SCHIP1: variants seen among roughly 807,000 people sequenced by gnomAD.
SCHIP1 encodes the protein schwannomin-interacting protein 1.
Under a neutral mutation model 29.7 loss-of-function variants are expected in SCHIP1, and 8 were observed. That is an observed-to-expected ratio of 0.27 (90% CI 0.16 to 0.49). The LOEUF (loss-of-function observed/expected upper bound fraction) is 0.49, where lower values mean the gene tolerates loss of function less well. SCHIP1 is among the 20% of genes least tolerant of loss of function. The probability of loss-of-function intolerance (pLI) is 0.99; values close to 1 mark genes in which losing one functional copy is unlikely to be tolerated. For synonymous variants in SCHIP1, 76 were observed against 94.9 expected, an observed-to-expected ratio of 0.80 and a Z score of 1.16; for missense variants, 193 against 294.6, an observed-to-expected ratio of 0.66 and a Z score of 2.52.
At chr3:159,330,620 A>G in the SCHIP1 span, among the ~76,000 whole-genome samples, 1 of 152,286 alleles carries the variant, frequency 6.6e-6, no homozygotes, top group South Asian at 2.1e-4. Context: ...AGTGCACTGT[A>G]TCAGTCAATG....
chr3:159,530,484 C>T, the SCHIP1 span, among the ~76,000 whole-genome samples: 1 of 152,116 alleles, frequency 6.6e-6, no homozygotes, highest in Admixed American at 6.6e-5. Context: ...CAGCAGATGG[C>T]TGGCCTTTTC....
At chr3:159,750,311 ACACACACACG>A in the SCHIP1 span, among the ~76,000 whole-genome samples, 1 of 150,102 alleles carries the variant, frequency 6.7e-6, no homozygotes, top group South Asian at 2.1e-4. Context: ...ACACACACAC[ACACACACACG>A]TATACATATA....
At chr3:159,703,476 G>C in the SCHIP1 span, among the ~76,000 whole-genome samples, 171 of 152,128 alleles carry the variant, frequency 1.1e-3, no homozygotes, top group Non-Finnish European at 2.0e-3. Context: ...TGGGTAAATT[G>C]TGTCACAAAA....
the SCHIP1 span, among the ~76,000 whole-genome samples, chr3:159,473,628 A>G: frequency 6.7e-6 from 1 of 148,358 alleles, no homozygotes; most frequent in Admixed American, 6.8e-5. Context: ...TTGGGCAAGA[A>G]GGGTTTCTAA....
the SCHIP1 span, among the ~76,000 whole-genome samples, chr3:159,321,072 C>A: frequency 2.0e-5 from 3 of 152,178 alleles, no homozygotes; most frequent in South Asian, 4.1e-4. Context: ...TCAAGCAATT[C>A]TCCCAATTCA....
At chr3:159,558,248 A>G in the SCHIP1 span, among the ~76,000 whole-genome samples, 7 of 152,256 alleles carry the variant, frequency 4.6e-5, no homozygotes, top group Admixed American at 2.0e-4. Flanking sequence ...GGAAGTATGC[A>G]TCAGGAACTT....
the SCHIP1 span, among the ~76,000 whole-genome samples, chr3:159,587,427 C>T: frequency 6.6e-6 from 1 of 151,316 alleles, no homozygotes; most frequent in Non-Finnish European, 1.5e-5. Flanking sequence ...TCACTGCTAA[C>T]ATTTTGGAGA....
chr3:159,891,913 T>C (rs1717581618), intron 5 of SCHIP1, among the ~76,000 whole-genome samples, 184 bp from the exon 7 acceptor site: 1 of 152,240 alleles, frequency 6.6e-6, no homozygotes, highest in South Asian at 2.1e-4. Flanking sequence ...TTACTCCTTT[T>C]CTTCCCACAC....
chr3:159,297,617 A>G, the SCHIP1 span, among the ~76,000 whole-genome samples: 14 of 152,246 alleles, frequency 9.2e-5, no homozygotes, highest in African/African-American at 3.4e-4. Flanking sequence ...TTTAAAAAAA[A>G]GATATGCAGA....
chr3:159,427,204 A>G, the SCHIP1 span, among the ~76,000 whole-genome samples: 1 of 151,642 alleles, frequency 6.6e-6, no homozygotes, highest in Non-Finnish European at 1.5e-5. Flanking sequence ...GGCCAGGGCA[A>G]TTAGGCAGGA....
chr3:159,307,613 T>G, the SCHIP1 span, among the ~76,000 whole-genome samples: 1 of 152,316 alleles, frequency 6.6e-6, no homozygotes, highest in South Asian at 2.1e-4. Context: ...TTGCAATTGC[T>G]TCTGAGGACT....
rs748552695 is a variant in SCHIP1, at chr3:159,896,693, T to G, written c.684-30T>G. The stretch of plus-strand genomic sequence containing the variant: ...AAGCAGTTTGGATCTCTCTACATGA[T>G]GCTAAATAATTGTATTAATTGTTTT... On this transcript the variant is annotated intron_variant, in intron 6 of 6. Coordinates refer to ENST00000445224, the Ensembl canonical transcript of SCHIP1. 6 of 1,582,826 alleles carry G rather than the reference T, an allele frequency of 3.8e-6. No individual in the cohort carries two copies. The South Asian group carries it at 7.1e-5, about 19-fold the overall frequency.
chr3:159,575,193 C>T, the SCHIP1 span, among the ~76,000 whole-genome samples: 2 of 152,218 alleles, frequency 1.3e-5, no homozygotes, highest in African/African-American at 4.8e-5. Flanking sequence ...GTCAATCACG[C>T]TGCGATCTGC....
the SCHIP1 span, among the ~76,000 whole-genome samples, chr3:159,573,163 G>A: frequency 6.6e-6 from 1 of 152,156 alleles, no homozygotes; most frequent in Non-Finnish European, 1.5e-5. Flanking sequence ...TATGATGTTA[G>A]CTGATTATTT....
chr3:159,275,371 C>T, the SCHIP1 span, among the ~76,000 whole-genome samples: 1 of 152,128 alleles, frequency 6.6e-6, no homozygotes, highest in East Asian at 1.9e-4. Flanking sequence ...TATCCATTTG[C>T]AGCCCCTGAT....
exon 1 of SCHIP1, chr3:159,840,045 A>G (rs11550573): frequency 1.4e-6 from 2 of 1,481,166 alleles, no homozygotes; most frequent in Non-Finnish European, 1.8e-6. Context: ...TGATCAGCGA[A>G]ACAGCATCCA....
the SCHIP1 span, among the ~76,000 whole-genome samples, chr3:159,576,832 A>G: frequency 6.6e-6 from 1 of 152,176 alleles, no homozygotes; most frequent in African/African-American, 2.4e-5. Context: ...AAGATAGGCA[A>G]CTAACCTGAG....
At chr3:159,496,346 A>T in the SCHIP1 span, among the ~76,000 whole-genome samples, 2 of 152,202 alleles carry the variant, frequency 1.3e-5, no homozygotes, top group Non-Finnish European at 1.5e-5. Flanking sequence ...AATTTTTGCA[A>T]CCTACTCATC....
chr3:159,555,049 A>T, the SCHIP1 span, among the ~76,000 whole-genome samples: 2 of 152,150 alleles, frequency 1.3e-5, no homozygotes, highest in Non-Finnish European at 2.9e-5. Context: ...TTAATTTTTT[A>T]AAAATTGGCA....
Sources: allele counts gnomAD v4.1 joint callset (sites outside exome capture counted in the v4.1 genomes callset), GRCh38; gene constraint gnomAD v4.1.1; transcripts MANE v1.5; gene names NCBI Gene and HGNC (gene_info 2026-07-23, HGNC 2026-07-21).